THAP3: variants seen among roughly 807,000 people sequenced by gnomAD.
THAP3 encodes THAP domain containing 3.
Under a neutral mutation model 17.7 loss-of-function variants are expected in THAP3, and 12 were observed. The observed-to-expected ratio is 0.68, with a 90% confidence interval of 0.43 to 1.10. THAP3 has a LOEUF of 1.10. Among genes scored for constraint, THAP3 ranks in the 50% least tolerant of loss-of-function variants. THAP3 has a pLI of 0.00. For missense variants in THAP3, 289 were observed against 318.0 expected (o/e 0.91, Z 0.69); for synonymous variants, 133 against 126.9 (o/e 1.05, Z -0.32).
At chr1:6,630,999 G>C (rs912097684) in intron 4 of THAP3, among the ~76,000 whole-genome samples, 6 of 151,294 alleles carry the variant, frequency 4.0e-5, no homozygotes, top group Admixed American at 4.0e-4. Flanking sequence ...GTGAGTCACT[G>C]CACCCAACCT....
chr1:6,625,256 G>A lies in THAP3; in HGVS notation c.38G>A (p.Arg13His), dbSNP rs1641431577. ...KSCAARQCCN[R>H]YSSRRKQLTF... ...TGCGCGGCCCGGCAGTGCTGCAACC[G>A]CTACAGCAGCCGCAGGAAGCAGCTC... The change falls in exon 2 of 6, where the codon CGC becomes CAC. Residue 13 changes from arginine to histidine, a missense_variant. Arg to His is a conservative substitution (Grantham distance 29). Coordinates refer to ENST00000054650, the MANE Select transcript of THAP3 (RefSeq NM_001195753.2). 1 of 1,544,952 alleles carries A rather than the reference G, an allele frequency of 6.5e-7. No individual in the cohort carries two copies. The highest frequency in any genetic ancestry group is 1.2e-5 in the South Asian group (1 of 83,384).
At chr1:6,633,658 C>G, downstream of THAP3, 2 of 970,842 alleles carry the variant, frequency 2.1e-6, no homozygotes, top group Non-Finnish European at 2.6e-6. Context: ...CCTGTAATCC[C>G]AGCACTTTGA....
intron 3 of THAP3, 37 bp from the exon 4 acceptor site, chr1:6,630,251 T>C (rs1158063392): frequency 1.2e-6 from 2 of 1,604,376 alleles, no homozygotes; most frequent in Non-Finnish European, 1.7e-6. Context: ...CTGAGGGTTC[T>C]TGGGGTCTGC....
intron 4 of THAP3, among the ~76,000 whole-genome samples, chr1:6,630,827 C>T (rs375438986): frequency 6.6e-6 from 1 of 152,140 alleles, no homozygotes; most frequent in East Asian, 1.9e-4. Flanking sequence ...CCACCTCTGC[C>T]TCACAAAGTG....
chr1:6,627,488 C>G (rs1641497460), intron 2 of THAP3, among the ~76,000 whole-genome samples: 1 of 152,212 alleles, frequency 6.6e-6, no homozygotes. Context: ...CCTCAGCCTC[C>G]CAAGTAGCTG....
intron 2 of THAP3, among the ~76,000 whole-genome samples, chr1:6,625,783 A>G (rs970510206): frequency 2.6e-5 from 4 of 151,886 alleles, no homozygotes; most frequent in South Asian, 4.1e-4. Context: ...AGCAATCGTC[A>G]TTAGTCACAG....
chr1:6,635,437 A>C (rs1641743844), downstream of THAP3: 2 of 506,142 alleles, frequency 4.0e-6, no homozygotes, highest in South Asian at 2.6e-5. Context: ...GATCCTTGGG[A>C]AAACAGCCAT....
At chr1:6,634,212 G>A, downstream of THAP3, 2 of 979,842 alleles carry the variant, frequency 2.0e-6, no homozygotes, top group South Asian at 3.1e-5. Context: ...CTTCTGTACA[G>A]TCGACTGCAA....
chr1:6,624,975 A>G (rs905963447), intron 1 of THAP3, 21 bp downstream of exon 1: 2 of 535,770 alleles, frequency 3.7e-6, no homozygotes, highest in African/African-American at 4.1e-5. Context: ...CACAGGCCCA[A>G]GGCTAGGAGT....
At chr1:6,634,053 G>C (rs1417715216), downstream of THAP3, 1 of 1,613,832 alleles carries the variant, frequency 6.2e-7, no homozygotes, top group East Asian at 2.2e-5. Flanking sequence ...TGGAACCCCA[G>C]CTTCACGTGA....
At chr1:6,630,180 T>G in intron 3 of THAP3, 108 bp from the exon 4 acceptor site, 1 of 931,900 alleles carries the variant, frequency 1.1e-6, no homozygotes, top group Non-Finnish European at 1.8e-6. Context: ...GTTCGTTGAC[T>G]GGGGCATGCA....
In THAP3 at chr1:6,627,088, A is replaced by G. The variant is rs140573950; in HGVS notation, c.75-1411A>G. Among the ~76,000 whole-genome samples, 226 of 152,264 alleles carry G rather than the reference A, an allele frequency of 1.5e-3. 4 individuals are homozygous for G. In the East Asian group the frequency reaches 0.034, roughly 23 times the overall value. On this transcript the variant is annotated intron_variant, in intron 2 of 5. Coordinates refer to ENST00000054650, the MANE Select transcript of THAP3 (RefSeq NM_001195753.2). Reference sequence around the variant, plus strand: ...CCTGAGCCTGGGTCACTTTTCCCGCATGGCGTCTGGTACACTTCTTGGCCA... The same window carrying G: ...CCTGAGCCTGGGTCACTTTTCCCGCGTGGCGTCTGGTACACTTCTTGGCCA...
intron 4 of THAP3, among the ~76,000 whole-genome samples, chr1:6,631,439 CCAACATA>C (rs1182455551): frequency 6.6e-6 from 1 of 152,070 alleles, no homozygotes. Context: ...ACCAGCCTGG[CCAACATA>C]GTAAAAACCC....
chr1:6,634,647 G>A (rs774757049), downstream of THAP3: 6 of 1,366,418 alleles, frequency 4.4e-6, no homozygotes, highest in Middle Eastern at 2.1e-4. Flanking sequence ...CCAGGCCGTG[G>A]AGGGGGTCCT....
At chr1:6,630,468 C>A (rs1265149211) in intron 4 of THAP3, 115 bp downstream of exon 4, 36 of 992,796 alleles carry the variant, frequency 3.6e-5, no homozygotes, top group Non-Finnish European at 5.3e-5. Flanking sequence ...CCTCATATGC[C>A]AGTTTGGATT....
At chr1:6,625,742 A>T (rs1435258170) in intron 2 of THAP3, among the ~76,000 whole-genome samples, 1 of 91,612 alleles carries the variant, frequency 1.1e-5, no homozygotes. Flanking sequence ...CTGCTCCAGC[A>T]CTCGCCCGGC....
rs1234014436 is a variant in THAP3 at position 6,633,254 on chromosome 1, G to T, written c.*177G>T. On this transcript the variant is annotated 3_prime_UTR_variant, in exon 6 of 6. Transcript: ENST00000054650. ...CCGGCGAGAGCCCCAATGCCGTCTGGGGGACGTTTAGAGGCGTGGCACTAG... is the reference window on the plus strand; with the variant it reads ...CCGGCGAGAGCCCCAATGCCGTCTGTGGGACGTTTAGAGGCGTGGCACTAG... 4.2e-6 allele frequency: 6 copies of T among 1,439,060 alleles called. No homozygotes were observed. In the Admixed American group the frequency reaches 8.6e-5, roughly 21 times the overall value. The allele number at this position is 1,439,060 out of a possible 1,614,324, so 89.1% of individuals were successfully genotyped here. A position where few individuals can be genotyped will look rare whatever the true frequency, so the allele number is the denominator to read the frequency against.
chr1:6,632,243 G>C (rs1287308200), intron 4 of THAP3, 148 bp from the exon 5 acceptor site: 1 of 1,002,828 alleles, frequency 1.0e-6, no homozygotes, highest in Admixed American at 2.4e-5. Context: ...GTTCCAGGGT[G>C]TGTGCTAGGG....
At position 6,633,325 on chromosome 1, in the gene THAP3, AG is replaced by A. The variant is rs1345915701; in HGVS notation, c.*249del. On this transcript the variant is annotated 3_prime_UTR_variant, in exon 6 of 6. Coordinates refer to ENST00000054650, the MANE Select transcript of THAP3 (RefSeq NM_001195753.2). The stretch of plus-strand genomic sequence containing the variant: ...GACAAGCTTATCCTCCCATGGTAAC[AG>A]AAGTCCAGGCTGAGGCTGATTCTGG... 1.3e-5 allele frequency: 18 copies of A among 1,386,290 alleles called. No individual in the cohort carries two copies. Among genetic ancestry groups the A allele is most frequent in the Non-Finnish European group, 1.5e-5 (16 of 1,070,202 alleles). The allele number at this position is 1,386,290 out of a possible 1,614,324, so 85.9% of individuals were successfully genotyped here. A position where few individuals can be genotyped will look rare whatever the true frequency, so the allele number is the denominator to read the frequency against.
Sources: allele counts gnomAD v4.1 joint callset (sites outside exome capture counted in the v4.1 genomes callset), GRCh38; gene constraint gnomAD v4.1.1; transcripts MANE v1.5; gene names NCBI Gene and HGNC (gene_info 2026-07-23, HGNC 2026-07-21).